Variants in DYNC1I1 observed in about 807,000 individuals in gnomAD.
The protein encoded by DYNC1I1 is dynein cytoplasmic 1 intermediate chain 1.
DYNC1I1 carries 43 observed loss-of-function variants against 86.6 expected under a neutral mutation model. The observed-to-expected ratio is 0.50, with a 90% CI of 0.39 to 0.64. The LOEUF is 0.64. Ranked by LOEUF, DYNC1I1 falls within the 30% of genes least tolerant of loss-of-function variation. The probability of loss-of-function intolerance (pLI) is 0.00; values close to 1 mark genes in which losing one functional copy is unlikely to be tolerated. For missense variants in DYNC1I1, 604 were observed against 788.8 expected (o/e 0.77, Z 2.81); for synonymous variants, 262 against 283.7 (o/e 0.92, Z 0.77).
chr7:95,950,878 T>C (rs1285983500), intron 6 of DYNC1I1, among the ~76,000 whole-genome samples: 2 of 152,206 alleles, frequency 1.3e-5, no homozygotes, highest in African/African-American at 2.4e-5. Flanking sequence ...AATAAAGTTA[T>C]GAATCACCTC....
At chr7:95,879,296 A>G (rs994969732) in intron 6 of DYNC1I1, among the ~76,000 whole-genome samples, 2 of 152,248 alleles carry the variant, frequency 1.3e-5, no homozygotes, top group Non-Finnish European at 2.9e-5. Context: ...CCTATAACTT[A>G]TAGAAAGGTA....
chr7:95,900,983 G>T (rs1269319290), intron 6 of DYNC1I1, among the ~76,000 whole-genome samples: 1 of 152,162 alleles, frequency 6.6e-6, no homozygotes, highest in African/African-American at 2.4e-5. Flanking sequence ...TTATTTGGTT[G>T]TTTCTTGGAT....
intron 1 of DYNC1I1, among the ~76,000 whole-genome samples, chr7:95,786,365 A>G (rs1295770662): frequency 6.6e-6 from 1 of 152,296 alleles, no homozygotes; most frequent in African/African-American, 2.4e-5. Flanking sequence ...TCCTTTAGGA[A>G]GCCCCCTCTG....
In DYNC1I1 at chr7:95,908,308, A is replaced by T. The variant is rs1584148615; in HGVS notation, c.490+38310A>T. Reference sequence around the variant, plus strand: ...CAAATGAGCTATTTTTCCACATTTCATTCTATAAGCAAGCATTTGACACCT... The same window carrying T: ...CAAATGAGCTATTTTTCCACATTTCTTTCTATAAGCAAGCATTTGACACCT... On this transcript the variant is annotated intron_variant, in intron 6 of 16. Coordinates refer to ENST00000447467, the MANE Select transcript of DYNC1I1 (RefSeq NM_001135556.2). Among the ~76,000 whole-genome samples, 4 of 152,298 alleles carry T rather than the reference A, an allele frequency of 2.6e-5. 1 individual carries two copies. Among genetic ancestry groups the T allele is most frequent in the Admixed American group, 2.6e-4 (4 of 15,300 alleles).
chr7:95,791,061 A>G (rs917042256), intron 1 of DYNC1I1, among the ~76,000 whole-genome samples: 3 of 152,190 alleles, frequency 2.0e-5, no homozygotes, highest in Non-Finnish European at 4.4e-5. Context: ...GAATAAATTG[A>G]TTTTTTGTGA....
At chr7:96,094,341 T>TTTA (rs1790935171) in intron 16 of DYNC1I1, among the ~76,000 whole-genome samples, 1 of 152,174 alleles carries the variant, frequency 6.6e-6, no homozygotes, top group Non-Finnish European at 1.5e-5. Context: ...ATGATTAAGA[T>TTTA]AGTGTTGGAT....
Position 96,027,884 on chromosome 7 carries a change from C to A in DYNC1I1, c.970-291C>A, listed in dbSNP as rs538886911. 5.9e-5 allele frequency among the ~76,000 whole-genome samples: 9 copies of A among 152,206 alleles called. No homozygotes were observed. In the East Asian group the frequency reaches 1.7e-3, roughly 29 times the overall value. ...ATGTCCATAAAGCAAGATTTACAGA[C>A]CACAAAACAATGATGTACTTAAGAT... On this transcript the variant is annotated intron_variant, in intron 10 of 16. Transcript: ENST00000447467.
At position 96,097,677 on chromosome 7, in the gene DYNC1I1, C is replaced by A; in HGVS notation, c.*84C>A. The A allele has an allele frequency of 6.4e-7, 1 of 1,572,590 alleles. No homozygotes were observed. Among genetic ancestry groups the A allele is most frequent in the South Asian group, 1.2e-5 (1 of 85,210 alleles). ...CAGTCAAGTCTCTTGTATTCGGTGTCCATTCAGTATCAGTATTGCTGTGAT... is the reference window on the plus strand; with the variant it reads ...CAGTCAAGTCTCTTGTATTCGGTGTACATTCAGTATCAGTATTGCTGTGAT... On this transcript the variant is annotated 3_prime_UTR_variant, in exon 17 of 17. Coordinates refer to ENST00000447467, the MANE Select transcript of DYNC1I1 (RefSeq NM_001135556.2).
At chr7:95,980,966 C>A (rs548610949) in intron 7 of DYNC1I1, among the ~76,000 whole-genome samples, 70 of 152,210 alleles carry the variant, frequency 4.6e-4, no homozygotes, top group African/African-American at 1.6e-3. Context: ...CCCATGAGAG[C>A]CACTGTCCTT....
chr7:96,098,437 T>C, downstream of DYNC1I1: 1 of 984,592 alleles, frequency 1.0e-6, no homozygotes, highest in Non-Finnish European at 1.2e-6. Context: ...TCTGCACCAG[T>C]GTGAGTAAAT....
At chr7:95,886,921 A>G (rs1043069516) in intron 6 of DYNC1I1, among the ~76,000 whole-genome samples, 3 of 152,170 alleles carry the variant, frequency 2.0e-5, no homozygotes, top group Non-Finnish European at 4.4e-5. Flanking sequence ...TGTTTACTCA[A>G]TCTGTATGAG....
intron 10 of DYNC1I1, among the ~76,000 whole-genome samples, chr7:96,008,910 G>T (rs1020648411): frequency 1.3e-5 from 2 of 152,170 alleles, no homozygotes; most frequent in Admixed American, 6.5e-5. Flanking sequence ...AGAGGGTCAT[G>T]AAACTGCTTC....
intron 14 of DYNC1I1, among the ~76,000 whole-genome samples, chr7:96,069,855 C>A (rs1250837787): frequency 6.6e-6 from 1 of 152,158 alleles, no homozygotes; most frequent in African/African-American, 2.4e-5. Context: ...ACTTATTTAG[C>A]AAAACTTCTA....
chr7:95,969,895 G>C (rs1235311946), intron 6 of DYNC1I1, among the ~76,000 whole-genome samples: 1 of 152,182 alleles, frequency 6.6e-6, no homozygotes, highest in Non-Finnish European at 1.5e-5. Context: ...AGACCAGAAA[G>C]TGAAGGTTTT....
At chr7:95,853,564 T>C (rs1789637113) in intron 5 of DYNC1I1, among the ~76,000 whole-genome samples, 1 of 152,224 alleles carries the variant, frequency 6.6e-6, no homozygotes. Context: ...ATTAGGACTT[T>C]TTTTGTGGCC....
intron 1 of DYNC1I1, among the ~76,000 whole-genome samples, chr7:95,794,923 G>A (rs1187478058): frequency 1.3e-5 from 2 of 152,224 alleles, no homozygotes; most frequent in South Asian, 2.1e-4. Context: ...TTTCAACTGT[G>A]TGTATGGATT....
At chr7:96,061,070 G>A (rs1457758945) in intron 14 of DYNC1I1, among the ~76,000 whole-genome samples, 2 of 152,218 alleles carry the variant, frequency 1.3e-5, no homozygotes, top group Non-Finnish European at 2.9e-5. Context: ...CGAGGAGAGA[G>A]AATAGTACAT....
intron 6 of DYNC1I1, among the ~76,000 whole-genome samples, chr7:95,963,761 G>A (rs756590000): frequency 8.3e-4 from 126 of 152,132 alleles, no homozygotes; most frequent in Non-Finnish European, 1.3e-3. Context: ...TAGAGATTCA[G>A]ATTCTTTTGA....
intron 7 of DYNC1I1, among the ~76,000 whole-genome samples, chr7:95,982,090 A>G (rs1425588343): frequency 1.3e-5 from 2 of 152,102 alleles, no homozygotes. Flanking sequence ...TTATGTTTTC[A>G]TGATATTGAA....
Sources: gnomAD v4.1 joint callset for allele counts (sites outside exome capture counted in the v4.1 genomes callset) on GRCh38, gnomAD v4.1.1 for gene constraint, MANE v1.5 for transcripts, NCBI Gene and HGNC (gene_info 2026-07-23, HGNC 2026-07-21) for gene names.